Variants in CD2AP observed in about 807,000 individuals in gnomAD.
The protein encoded by CD2AP is CD2-associated protein.
CD2AP carries 46 observed loss-of-function variants against 85.1 expected under a neutral mutation model. That is an observed-to-expected ratio of 0.54 (90% confidence interval 0.43 to 0.69). The LOEUF is 0.69. Ranked by LOEUF, CD2AP falls within the 30% of genes least tolerant of loss-of-function variation. The pLI is 0.00. For missense variants in CD2AP, 769 were observed against 729.5 expected, an observed-to-expected ratio of 1.05 and a Z score of -0.62; for synonymous variants, 255 against 252.9, an observed-to-expected ratio of 1.01 and a Z score of -0.08.
chr6:47,596,284 C>A (rs909625560), intron 12 of CD2AP, among the ~76,000 whole-genome samples: 3 of 152,060 alleles, frequency 2.0e-5, no homozygotes, highest in Admixed American at 2.0e-4. Flanking sequence ...GAACACTTAA[C>A]ATTCACTCTT....
chr6:47,601,799 T>C (rs867556787), intron 13 of CD2AP, among the ~76,000 whole-genome samples: 5 of 152,034 alleles, frequency 3.3e-5, no homozygotes, highest in Middle Eastern at 3.2e-3. Context: ...GAAAAACTTA[T>C]TGAAAATTTC....
intron 1 of CD2AP, among the ~76,000 whole-genome samples, chr6:47,492,334 TCA>T (rs1312753673): frequency 6.8e-6 from 1 of 146,352 alleles, no homozygotes; most frequent in East Asian, 2.1e-4. Context: ...GTTTGGTGGC[TCA>T]CACCTGTAAT....
At chr6:47,505,666 T>TG (rs1766132741) in intron 2 of CD2AP, among the ~76,000 whole-genome samples, 2 of 28,700 alleles carry the variant, frequency 7.0e-5, no homozygotes, top group African/African-American at 2.2e-4. Flanking sequence ...GCTGGCCGGG[T>TG]GGGGGGGCTG....
intron 11 of CD2AP, among the ~76,000 whole-genome samples, chr6:47,592,514 C>T (rs1319511494): frequency 6.6e-6 from 1 of 152,094 alleles, no homozygotes; most frequent in Non-Finnish European, 1.5e-5. Flanking sequence ...GGCACCATAG[C>T]TCCTAAAACC....
chr6:47,581,453 T>A (rs761164894), intron 10 of CD2AP, among the ~76,000 whole-genome samples: 1 of 152,196 alleles, frequency 6.6e-6, no homozygotes, highest in East Asian at 1.9e-4. Flanking sequence ...GCTGTTTTTT[T>A]AGAATAATTC....
intron 2 of CD2AP, among the ~76,000 whole-genome samples, chr6:47,504,681 A>G (rs918161685): frequency 7.2e-6 from 1 of 139,222 alleles, no homozygotes; most frequent in Non-Finnish European, 1.6e-5. Context: ...CTACAGGGGT[A>G]CCTTGGAGAT....
chr6:47,590,575 C>T (rs970888635), intron 11 of CD2AP, among the ~76,000 whole-genome samples: 1 of 152,016 alleles, frequency 6.6e-6, no homozygotes, highest in African/African-American at 2.4e-5. Context: ...GAATACAAAA[C>T]CGCATATGAG....
chr6:47,599,909 AT>A, intron 13 of CD2AP, among the ~76,000 whole-genome samples: 1 of 150,766 alleles, frequency 6.6e-6, no homozygotes, highest in Non-Finnish European at 1.5e-5. Context: ...CCTTTTGCTA[AT>A]TTTTTTTTAA....
At chr6:47,617,177 T>C (rs1164223071) in intron 17 of CD2AP, among the ~76,000 whole-genome samples, 4 of 152,030 alleles carry the variant, frequency 2.6e-5, no homozygotes, top group Non-Finnish European at 5.9e-5. Flanking sequence ...GTTGCCCAGG[T>C]TGATCTTGAA....
At chr6:47,547,856 A>G (rs1032557524) in intron 4 of CD2AP, among the ~76,000 whole-genome samples, 1 of 152,142 alleles carries the variant, frequency 6.6e-6, no homozygotes, top group East Asian at 1.9e-4. Context: ...AAAACTGGAA[A>G]TCAACTCCAA....
Position 47,556,039 on chromosome 6 carries a change from AT to A in CD2AP, c.541+1282del, listed in dbSNP as rs985966179. Reference sequence around the variant, plus strand: ...GTGCACTCAGTGGTAAAAGAATGCAATTTTTTTTTCCTTTTCTTTTTTTTTT... The same window carrying A: ...GTGCACTCAGTGGTAAAAGAATGCAATTTTTTTTCCTTTTCTTTTTTTTTT... On this transcript the variant is annotated intron_variant, in intron 5 of 17. Transcript: ENST00000359314. 9.2e-4 allele frequency among the ~76,000 whole-genome samples: 133 copies of A among 143,974 alleles called. 1 individual carries two copies. The highest frequency in any genetic ancestry group is 1.4e-3 in the Admixed American group (20 of 13,936). The allele number at this position is 143,974 out of a possible 152,430, so 94.5% of individuals were successfully genotyped here.
At chr6:47,526,397 A>T (rs1766729048) in intron 2 of CD2AP, among the ~76,000 whole-genome samples, 1 of 152,178 alleles carries the variant, frequency 6.6e-6, no homozygotes, top group Admixed American at 6.5e-5. Flanking sequence ...GTAACATCTC[A>T]GTTGGCAGTA....
intron 3 of CD2AP, among the ~76,000 whole-genome samples, chr6:47,541,545 C>G (rs926847023): frequency 6.6e-6 from 1 of 152,200 alleles, no homozygotes; most frequent in Non-Finnish European, 1.5e-5. Context: ...TTTGGAGACT[C>G]AATTATTTTA....
At chr6:47,588,138 A>T (rs187354740) in intron 11 of CD2AP, among the ~76,000 whole-genome samples, 1 of 152,022 alleles carries the variant, frequency 6.6e-6, no homozygotes, top group Non-Finnish European at 1.5e-5. Flanking sequence ...AGAATCTTTC[A>T]TGGCCAGGTT....
intron 1 of CD2AP, among the ~76,000 whole-genome samples, chr6:47,481,159 C>T (rs1254640065): frequency 1.3e-5 from 2 of 152,100 alleles, no homozygotes; most frequent in African/African-American, 4.8e-5. Context: ...AAGCAAATGG[C>T]ACAAAGTGTC....
At chr6:47,550,739 A>G (rs556800667) in intron 4 of CD2AP, among the ~76,000 whole-genome samples, 1 of 152,336 alleles carries the variant, frequency 6.6e-6, no homozygotes, top group African/African-American at 2.4e-5. Context: ...ACACATGTTT[A>G]TAGCAGCACA....
chr6:47,575,798 T>TC (rs1373151389), intron 6 of CD2AP, among the ~76,000 whole-genome samples: 1 of 152,194 alleles, frequency 6.6e-6, no homozygotes, highest in Non-Finnish European at 1.5e-5. Flanking sequence ...AACATAAGAT[T>TC]ACCTGAATCA....
chr6:47,602,782 G>A (rs1769175150), intron 13 of CD2AP, among the ~76,000 whole-genome samples: 2 of 151,622 alleles, frequency 1.3e-5, no homozygotes, highest in South Asian at 4.1e-4. Flanking sequence ...CCATGGTGTA[G>A]CTACTAGGGA....
chr6:47,591,273 G>A (rs1768785387), intron 11 of CD2AP, among the ~76,000 whole-genome samples: 1 of 152,112 alleles, frequency 6.6e-6, no homozygotes, highest in African/African-American at 2.4e-5. Flanking sequence ...GAAGGATAAG[G>A]GTAACTTCAG....
Sources: allele counts gnomAD v4.1 joint callset (sites outside exome capture counted in the v4.1 genomes callset), GRCh38; gene constraint gnomAD v4.1.1; transcripts MANE v1.5; gene names NCBI Gene and HGNC (gene_info 2026-07-23, HGNC 2026-07-21).